The following LOXL1 variants were observed in gnomAD, a reference collection of about 807,000 sequenced individuals.
LOXL1 encodes lysyl oxidase homolog 1.
In LOXL1, 31 loss-of-function variants were observed where a neutral mutation model predicts 62.2. The observed-to-expected ratio is 0.50, with a 90% CI of 0.37 to 0.67. LOXL1 has a LOEUF of 0.67. Ranked by LOEUF, LOXL1 falls within the 30% of genes least tolerant of loss-of-function variation. The pLI, the probability that LOXL1 is intolerant of heterozygous loss-of-function variation, is 0.00. For missense variants in LOXL1, 775 were observed against 843.4 expected (o/e 0.92, Z 1.00); for synonymous variants, 403 against 384.4 (o/e 1.05, Z -0.56).
intron 5 of LOXL1, among the ~76,000 whole-genome samples, chr15:73,949,179 C>T (rs1033277871): frequency 2.0e-5 from 3 of 152,186 alleles, no homozygotes; most frequent in East Asian, 3.9e-4. Flanking sequence ...AGGATCCAAC[C>T]TCTCTGACCC....
Position 73,927,489 on chromosome 15 carries a change from G to A in LOXL1, c.706G>A (p.Glu236Lys). 1 of 1,464,198 alleles carries A rather than the reference G, an allele frequency of 6.8e-7. No individual in the cohort carries two copies. Among genetic ancestry groups the A allele is most frequent in the Non-Finnish European group, 9.0e-7 (1 of 1,112,786 alleles). The allele number at this position is 1,464,198 out of a possible 1,614,324, so 90.7% of individuals were successfully genotyped here. Residue 236 changes from glutamate to lysine, a missense_variant, in exon 1 of 7, where the codon GAG (glutamate) becomes AAG (lysine). Physicochemically the swap from Glu to Lys is moderately conservative, Grantham distance 56. Transcript: ENST00000261921. Reference sequence around the variant, plus strand: ...CTACCAGCCCCGGGCGCGCTACGAGGAGTACGGCGGCGGCGAAGAGCTGCC... The same window carrying A: ...CTACCAGCCCCGGGCGCGCTACGAGAAGTACGGCGGCGGCGAAGAGCTGCC... ...YPYQPRARYE[E>K]YGGGEELPEY...
intron 1 of LOXL1, among the ~76,000 whole-genome samples, chr15:73,936,582 T>C (rs1418580868): frequency 6.6e-6 from 1 of 152,216 alleles, no homozygotes; most frequent in Non-Finnish European, 1.5e-5. Context: ...AGATTAGGGC[T>C]CTTTTGCATT....
chr15:73,931,882 A>G (rs1378390522), intron 1 of LOXL1, among the ~76,000 whole-genome samples: 2 of 152,210 alleles, frequency 1.3e-5, no homozygotes, highest in East Asian at 1.9e-4. Context: ...AGGCAGGGAT[A>G]ATAATACCAA....
intron 1 of LOXL1, among the ~76,000 whole-genome samples, chr15:73,929,453 CCTGTCTCCCTGGGT>C: frequency 6.6e-6 from 1 of 152,224 alleles, no homozygotes; most frequent in Non-Finnish European, 1.5e-5. Context: ...TCATGGGGTG[CCTGTCTCCCTGGGT>C]ACTGCTGGAG....
chr15:73,933,117 A>G (rs1489788162), intron 1 of LOXL1, among the ~76,000 whole-genome samples: 1 of 152,246 alleles, frequency 6.6e-6, no homozygotes, highest in African/African-American at 2.4e-5. Flanking sequence ...GAATAAGAAT[A>G]TCTGATATTT....
chr15:73,936,212 C>A (rs894239897), intron 1 of LOXL1, among the ~76,000 whole-genome samples: 1 of 152,078 alleles, frequency 6.6e-6, no homozygotes, highest in African/African-American at 2.4e-5. Flanking sequence ...TGATGGCTGT[C>A]CTAGCTCTCA....
chr15:73,938,303 C>CTA (rs2068689496), intron 1 of LOXL1, among the ~76,000 whole-genome samples: 1 of 151,320 alleles, frequency 6.6e-6, no homozygotes, highest in East Asian at 2.0e-4. Context: ...ATCTATCTAT[C>CTA]TATCTATCTA....
intron 1 of LOXL1, among the ~76,000 whole-genome samples, chr15:73,938,275 G>GTATCTATCATCTATCTATCTATC (rs1555433293): frequency 8.5e-5 from 12 of 140,610 alleles, no homozygotes; most frequent in African/African-American, 3.2e-4. Flanking sequence ...GCTAGACTCC[G>GTATCTATCATCTATCTATCTATC]TATCTATCTA....
At chr15:73,940,479 G>C (rs2068706485) in intron 1 of LOXL1, among the ~76,000 whole-genome samples, 1 of 150,690 alleles carries the variant, frequency 6.6e-6, no homozygotes, top group Non-Finnish European at 1.5e-5. Flanking sequence ...TTTAGCTGAA[G>C]AGCTTTAGTC....
chr15:73,937,090 C>T (rs986374972), intron 1 of LOXL1, among the ~76,000 whole-genome samples: 2 of 152,164 alleles, frequency 1.3e-5, no homozygotes, highest in Non-Finnish European at 2.9e-5. Flanking sequence ...CTGAGAAGGC[C>T]CCAGCTGCAT....
intron 5 of LOXL1, among the ~76,000 whole-genome samples, chr15:73,949,192 A>C (rs1384334024): frequency 6.6e-6 from 1 of 152,146 alleles, no homozygotes; most frequent in Non-Finnish European, 1.5e-5. Flanking sequence ...TCTGACCCCA[A>C]ATGCCCCATG....
intron 6 of LOXL1, 48 bp downstream of exon 6, chr15:73,949,622 G>GCTCCCCA: frequency 7.2e-7 from 1 of 1,381,382 alleles, no homozygotes; most frequent in Non-Finnish European, 1.0e-6. Flanking sequence ...TTTCCTGCCT[G>GCTCCCCA]GGGAGCAGGC....
At chr15:73,927,948 GC>G in intron 1 of LOXL1, 63 bp downstream of exon 1, 5 of 1,257,398 alleles carry the variant, frequency 4.0e-6, no homozygotes, top group East Asian at 3.2e-5. Flanking sequence ...ACTGCTCCGG[GC>G]CCCCCGGGCC....
intron 1 of LOXL1, among the ~76,000 whole-genome samples, chr15:73,936,678 A>C (rs1419038149): frequency 2.0e-5 from 3 of 152,242 alleles, no homozygotes; most frequent in Non-Finnish European, 2.9e-5. Flanking sequence ...CACAAAAAAG[A>C]GGAAGCCAAG....
chr15:73,929,749 G>A (rs1055469162), intron 1 of LOXL1, among the ~76,000 whole-genome samples: 4 of 152,202 alleles, frequency 2.6e-5, no homozygotes, highest in African/African-American at 9.7e-5. Context: ...TTACCTAGAG[G>A]GTGCTAAACT....
chr15:73,936,856 C>T (rs2068677011), intron 1 of LOXL1, among the ~76,000 whole-genome samples: 1 of 152,256 alleles, frequency 6.6e-6, no homozygotes, highest in African/African-American at 2.4e-5. Flanking sequence ...AAAGTATCGT[C>T]TGTAGGGGTT....
At chr15:73,934,608 T>C (rs1218566904) in intron 1 of LOXL1, among the ~76,000 whole-genome samples, 3 of 152,196 alleles carry the variant, frequency 2.0e-5, no homozygotes, top group African/African-American at 7.2e-5. Context: ...TATCATCTCA[T>C]GAGGAAATAG....
At chr15:73,934,589 T>C (rs2068658021) in intron 1 of LOXL1, among the ~76,000 whole-genome samples, 1 of 152,104 alleles carries the variant, frequency 6.6e-6, no homozygotes, top group Non-Finnish European at 1.5e-5. Flanking sequence ...CGTGAGGAAA[T>C]AGGGCAGATA....
chr15:73,927,374 C>A lies in LOXL1; in HGVS notation c.591C>A (p.Thr197=). 1 of 1,586,938 alleles carries A rather than the reference C, an allele frequency of 6.3e-7. No homozygotes were observed. Among genetic ancestry groups the A allele is most frequent in the South Asian group, 1.1e-5 (1 of 88,466 alleles). Residue 197 remains threonine (T), a synonymous_variant, in exon 1 of 7, where the codon ACC becomes ACA. Transcript: ENST00000261921. ...AGAACTACGACCCCGCGTCGCGGAC[C>A]TACGACCAGGGTTTCGTGTACTACC... ...QYENYDPASR[T]YDQGFVYYRP...
Sources: gnomAD v4.1 joint callset for allele counts (sites outside exome capture counted in the v4.1 genomes callset) on GRCh38, gnomAD v4.1.1 for gene constraint, MANE v1.5 for transcripts, NCBI Gene and HGNC (gene_info 2026-07-23, HGNC 2026-07-21) for gene names.